Variants in SEPTIN7 observed in about 807,000 individuals in gnomAD.
The protein encoded by SEPTIN7 is septin-7.
In SEPTIN7, 10 loss-of-function variants were observed where a neutral mutation model predicts 63.3. That is an observed-to-expected ratio of 0.16 (90% CI 0.10 to 0.27). The LOEUF is 0.27. Among genes scored for constraint, SEPTIN7 ranks in the 10% least tolerant of loss-of-function variants. SEPTIN7 has a pLI of 1.00. For synonymous variants in SEPTIN7, 131 were observed against 165.3 expected, an observed-to-expected ratio of 0.79 and a Z score of 1.59; for missense variants, 310 against 521.0, an observed-to-expected ratio of 0.59 and a Z score of 3.94.
rs551717628 is a variant in SEPTIN7, at chr7:35,884,713, G to A, written c.820+726G>A. On this transcript the variant is annotated intron_variant, in intron 9 of 13. Transcript: ENST00000350320. ...GTCTTCTTTCCTCAGTGCAAAAGTT[G>A]CCCTTTTTGATATCTCATATTTAGA... is the stretch of plus-strand genomic sequence containing the variant. Among the ~76,000 whole-genome samples, 4 of 152,142 alleles carry A rather than the reference G, an allele frequency of 2.6e-5. No homozygotes were observed. The East Asian group carries it at 5.8e-4, about 22-fold the overall frequency.
At chr7:35,806,350 T>G (rs79340040) in intron 1 of SEPTIN7, among the ~76,000 whole-genome samples, 2,256 of 152,332 alleles carry the variant, frequency 0.015, 52 homozygotes, top group African/African-American at 0.05. Context: ...GATCAGTAAT[T>G]ACTGGACATA....
chr7:35,802,008 A>G (rs944695766), intron 1 of SEPTIN7, among the ~76,000 whole-genome samples: 2 of 152,076 alleles, frequency 1.3e-5, no homozygotes, highest in South Asian at 4.1e-4. Context: ...TTTGGGCTTA[A>G]TTTTTAGGAG....
the SEPTIN7 span, among the ~76,000 whole-genome samples, chr7:35,912,529 C>A: frequency 9.2e-5 from 14 of 152,080 alleles, no homozygotes; most frequent in African/African-American, 3.4e-4. Context: ...GCTGTGAGAC[C>A]CCTGATTTCC....
the SEPTIN7 span, among the ~76,000 whole-genome samples, chr7:35,914,668 TATATAC>T: frequency 1.6e-4 from 24 of 151,062 alleles, no homozygotes; most frequent in African/African-American, 5.6e-4. Context: ...TCTATATATA[TATATAC>T]ACACACACAC....
chr7:35,831,051 AT>A (rs1015147449), intron 1 of SEPTIN7, among the ~76,000 whole-genome samples: 53 of 152,048 alleles, frequency 3.5e-4, no homozygotes, highest in Admixed American at 3.3e-3. Context: ...TGAAATTTAC[AT>A]TTTTTTTCTT....
chr7:35,801,917 C>T (rs992865739), intron 1 of SEPTIN7, among the ~76,000 whole-genome samples: 3 of 152,170 alleles, frequency 2.0e-5, no homozygotes, highest in African/African-American at 7.2e-5. Flanking sequence ...GGGGTTGCCT[C>T]TCTCCAGGCG....
chr7:35,819,861 G>T (rs1015551006), intron 1 of SEPTIN7, among the ~76,000 whole-genome samples: 5 of 151,916 alleles, frequency 3.3e-5, no homozygotes, highest in Non-Finnish European at 7.4e-5. Flanking sequence ...AATCCACATA[G>T]CCATTCTTTA....
chr7:35,819,460 AGTTGGTTTATAGT>A lies in SEPTIN7; in HGVS notation c.62-12027_62-12015del, dbSNP rs940959068. 1.1e-3 allele frequency among the ~76,000 whole-genome samples: 168 copies of A among 152,206 alleles called. 1 individual carries two copies. The highest frequency in any genetic ancestry group is 3.9e-3 in the African/African-American group (161 of 41,552). On this transcript the variant is annotated intron_variant, in intron 1 of 13. Transcript: ENST00000350320. ...TGTTGTACAGCTATGTGTTAGGTCTAGTTGGTTTATAGTGTTGTTGAGTCTTCTGCTTCTTTAT... is the reference window on the plus strand; with the variant it reads ...TGTTGTACAGCTATGTGTTAGGTCTAGTTGTTGAGTCTTCTGCTTCTTTAT...
At chr7:35,837,589 T>C (rs1024588064) in intron 3 of SEPTIN7, among the ~76,000 whole-genome samples, 2 of 152,238 alleles carry the variant, frequency 1.3e-5, no homozygotes, top group African/African-American at 4.8e-5. Flanking sequence ...ACCAAATTGC[T>C]CTAAAACAAG....
intron 3 of SEPTIN7, among the ~76,000 whole-genome samples, chr7:35,856,554 ACTT>A (rs1178488548): frequency 6.6e-6 from 1 of 152,188 alleles, no homozygotes; most frequent in Non-Finnish European, 1.5e-5. Context: ...TCAGCTTTTT[ACTT>A]CTTAGAATGG....
At chr7:35,890,631 T>C in intron 10 of SEPTIN7, 37 bp from the exon 11 acceptor site, 1 of 1,404,152 alleles carries the variant, frequency 7.1e-7, no homozygotes, top group Non-Finnish European at 9.3e-7. Context: ...CCCCTAGCTA[T>C]TAATAGAAGC....
chr7:35,802,097 G>T (rs1788031183), intron 1 of SEPTIN7, among the ~76,000 whole-genome samples: 1 of 152,208 alleles, frequency 6.6e-6, no homozygotes, highest in Non-Finnish European at 1.5e-5. Flanking sequence ...AAAAGGGAGG[G>T]AGCGGAGATG....
chr7:35,878,952 A>G (rs1361971488), intron 6 of SEPTIN7, among the ~76,000 whole-genome samples: 1 of 152,198 alleles, frequency 6.6e-6, no homozygotes, highest in Non-Finnish European at 1.5e-5. Flanking sequence ...TGTAGTCATA[A>G]TAATTGTACT....
intron 1 of SEPTIN7, among the ~76,000 whole-genome samples, chr7:35,809,931 A>G (rs922994127): frequency 7.9e-5 from 12 of 152,172 alleles, no homozygotes; most frequent in Non-Finnish European, 1.6e-4. Context: ...GCAATGGGAA[A>G]GGACATGAGG....
Position 35,872,730 on chromosome 7 carries a change from C to A in SEPTIN7, c.341C>A (p.Thr114Asn), listed in dbSNP as rs761746094. 2.5e-6 allele frequency: 4 copies of A among 1,612,172 alleles called. No individual in the cohort carries two copies. Among genetic ancestry groups the A allele is most frequent in the Non-Finnish European group, 3.4e-6 (4 of 1,178,520 alleles). The change falls in exon 5 of 14, where the codon ACC (threonine) becomes AAC (asparagine). Residue 114 changes from threonine to asparagine, a missense_variant. By Grantham distance (65) the Thr-to-Asn change is moderately conservative. Around this residue, in one of 2 missense-constraint regions of SEPTIN7, gnomAD observed 255 missense variants for 490.5 expected, o/e 0.52. Transcript: ENST00000350320. ...CAGTTGCTGCTCACAATAGTTGATA[C>A]CCCAGGATTTGGAGATGCAGTGGAT... ...GVQLLLTIVD[T>N]PGFGDAVDNS... is the part of the protein sequence containing the mutation.
intron 11 of SEPTIN7, among the ~76,000 whole-genome samples, 165 bp downstream of exon 11, chr7:35,890,958 GC>G (rs1279566884): frequency 6.6e-6 from 1 of 152,160 alleles, no homozygotes; most frequent in Non-Finnish European, 1.5e-5. Context: ...AATAGTAGAA[GC>G]TTTTTTGAAT....
chr7:35,825,561 G>A (rs1349269645), intron 1 of SEPTIN7, among the ~76,000 whole-genome samples: 1 of 152,070 alleles, frequency 6.6e-6, no homozygotes, highest in Non-Finnish European at 1.5e-5. Context: ...ATATCCTTCT[G>A]TGCTTTCCTG....
chr7:35,915,127 A>G, the SEPTIN7 span, among the ~76,000 whole-genome samples: 5 of 151,464 alleles, frequency 3.3e-5, no homozygotes, highest in South Asian at 4.2e-4. Flanking sequence ...ACATGTGTAT[A>G]TATACATGCA....
intron 4 of SEPTIN7, among the ~76,000 whole-genome samples, chr7:35,872,105 T>C (rs1221547187): frequency 6.6e-6 from 1 of 152,174 alleles, no homozygotes; most frequent in East Asian, 1.9e-4. Flanking sequence ...GAGAAAAGGA[T>C]TGGATCCTAG....
Sources: allele counts gnomAD v4.1 joint callset (sites outside exome capture counted in the v4.1 genomes callset), GRCh38; gene constraint gnomAD v4.1.1; regional missense constraint gnomAD v4.1.1; transcripts MANE v1.5; gene names NCBI Gene and HGNC (gene_info 2026-07-23, HGNC 2026-07-21).